The following CA13 variants were observed in gnomAD, a reference collection of about 807,000 sequenced individuals.
CA13 encodes the protein CA-XIII.
In CA13, 21 loss-of-function variants were observed where a neutral mutation model predicts 31.5. The ratio of observed to expected loss-of-function variants is 0.67; its 90% CI spans 0.47 to 0.96. CA13 has a LOEUF of 0.96. Ranked by LOEUF, CA13 falls within the 40% of genes least tolerant of loss-of-function variation. CA13 has a pLI of 0.00. For missense variants in CA13, 315 were observed against 318.9 expected, an observed-to-expected ratio of 0.99 and a Z score of 0.09; for synonymous variants, 117 against 111.4, an observed-to-expected ratio of 1.05 and a Z score of -0.32.
chr8:85,263,443 A>C (rs1249337614), intron 3 of CA13, among the ~76,000 whole-genome samples: 1 of 152,202 alleles, frequency 6.6e-6, no homozygotes, highest in South Asian at 2.1e-4. Flanking sequence ...GAGAAAAACT[A>C]GAAGGTTATG....
intron 2 of CA13, among the ~76,000 whole-genome samples, chr8:85,258,937 A>C (rs890062306): frequency 2.0e-5 from 3 of 151,970 alleles, no homozygotes; most frequent in African/African-American, 4.8e-5. Context: ...AAGGAAAAAA[A>C]AAAAAGAAGT....
At chr8:85,274,278 G>T (rs1302284574) in intron 6 of CA13, among the ~76,000 whole-genome samples, 1 of 152,180 alleles carries the variant, frequency 6.6e-6, no homozygotes, top group African/African-American at 2.4e-5. Flanking sequence ...ATTTTTTGGG[G>T]TATTCTTGAG....
At chr8:85,258,168 T>C (rs1179507224) in intron 2 of CA13, among the ~76,000 whole-genome samples, 1 of 151,834 alleles carries the variant, frequency 6.6e-6, no homozygotes, top group Non-Finnish European at 1.5e-5. Flanking sequence ...GCCAGGCCTG[T>C]TCATGGAAAT....
chr8:85,282,777 G>A lies in CA13; in HGVS notation c.*1428G>A, dbSNP rs1288692378. On this transcript the variant is annotated 3_prime_UTR_variant, in exon 7 of 7. Coordinates refer to ENST00000321764, the MANE Select transcript of CA13 (RefSeq NM_198584.3). Reference sequence around the variant, plus strand: ...TCTTTTGCCCTTTCTGGTACAAACAGAGGGACACTAAGCATTAACTTAATA... The same window carrying A: ...TCTTTTGCCCTTTCTGGTACAAACAAAGGGACACTAAGCATTAACTTAATA... 6.6e-6 allele frequency: 1 copy of A among 152,168 alleles called. No individual in the cohort carries two copies. Among genetic ancestry groups the A allele is most frequent in the Admixed American group, 6.5e-5 (1 of 15,270 alleles). 9.4% of individuals were successfully genotyped at this position (152,168 alleles called of 1,614,324 possible).
chr8:85,257,137 C>T lies in CA13; in HGVS notation c.236-2284C>T, dbSNP rs535347747. Among the ~76,000 whole-genome samples, 13 of 152,264 alleles carry T rather than the reference C, an allele frequency of 8.5e-5. No individual in the cohort carries two copies. In the South Asian group the frequency reaches 1.7e-3, roughly 19 times the overall value. On this transcript the variant is annotated intron_variant, in intron 2 of 6. Coordinates refer to ENST00000321764, the MANE Select transcript of CA13 (RefSeq NM_198584.3). ...TAAGAACTTAGTTTTTAGTGATTCC[C>T]GGTAACTTCAGTAGCATCCCTACAA...
chr8:85,260,983 G>A (rs909780320), intron 3 of CA13, among the ~76,000 whole-genome samples: 7 of 152,146 alleles, frequency 4.6e-5, no homozygotes, highest in African/African-American at 1.7e-4. Flanking sequence ...TCTGCCAGCT[G>A]GCAAGTAGTT....
intron 3 of CA13, among the ~76,000 whole-genome samples, chr8:85,262,055 G>A (rs1360185601): frequency 0.011 from 3 of 264 alleles, no homozygotes; most frequent in Admixed American, 0.088. Flanking sequence ...TGCCTAGGCT[G>A]GTCTGAAACT....
At chr8:85,255,523 G>A (rs1807277995) in intron 2 of CA13, among the ~76,000 whole-genome samples, 1 of 151,950 alleles carries the variant, frequency 6.6e-6, no homozygotes, top group Non-Finnish European at 1.5e-5. Context: ...GTTTTGCCAT[G>A]TTGGTCAAGC....
intron 6 of CA13, among the ~76,000 whole-genome samples, chr8:85,272,614 T>A (rs1240503652): frequency 6.6e-6 from 1 of 152,196 alleles, no homozygotes; most frequent in East Asian, 1.9e-4. Context: ...ATTATATTTT[T>A]AAAAAATATA....
chr8:85,273,450 G>A (rs1386226715), intron 6 of CA13, among the ~76,000 whole-genome samples: 1 of 152,076 alleles, frequency 6.6e-6, no homozygotes, highest in African/African-American at 2.4e-5. Flanking sequence ...TGGGCGCAGT[G>A]GCTCACTCCT....
chr8:85,271,666 AAAC>A (rs1209843699), intron 6 of CA13, among the ~76,000 whole-genome samples: 1 of 152,196 alleles, frequency 6.6e-6, no homozygotes, highest in East Asian at 1.9e-4. Flanking sequence ...TTAAAGAAAA[AAAC>A]TCTTTTTTGT....
At chr8:85,276,254 C>G (rs1337086372) in intron 6 of CA13, among the ~76,000 whole-genome samples, 1 of 152,186 alleles carries the variant, frequency 6.6e-6, no homozygotes, top group Non-Finnish European at 1.5e-5. Flanking sequence ...AGCTGCCTTC[C>G]TCCCCCCGGG....
chr8:85,255,346 T>G (rs910250837), intron 2 of CA13, among the ~76,000 whole-genome samples: 5 of 151,688 alleles, frequency 3.3e-5, no homozygotes, highest in African/African-American at 1.2e-4. Flanking sequence ...CACTACAACC[T>G]CTGCCTCCTG....
rs752881532 is a variant in CA13 at position 85,245,865 on chromosome 8, G to A, written c.37G>A (p.Gly13Ser). Reference sequence around the variant, plus strand: ...CAGCTGGGGATACCGCGAGCACAACGGTGAGCGCCTTTTCCTGATCCAAGG... The same window carrying A: ...CAGCTGGGGATACCGCGAGCACAACAGTGAGCGCCTTTTCCTGATCCAAGG... ...RLSWGYREHNGPIHWKEFFPI... is the reference protein window; with the variant it reads ...RLSWGYREHNSPIHWKEFFPI... Residue 13 changes from glycine (G) to serine (S), a missense_variant and splice_region_variant, in exon 1 of 7, where the codon GGT (glycine) becomes AGT (serine). Coordinates refer to ENST00000321764, the MANE Select transcript of CA13 (RefSeq NM_198584.3). 13 of 1,614,052 alleles carry A rather than the reference G, an allele frequency of 8.1e-6. No individual in the cohort carries two copies. The highest frequency in any genetic ancestry group is 1.0e-5 in the Non-Finnish European group (12 of 1,180,032).
chr8:85,271,645 C>A (rs187748573), intron 6 of CA13, among the ~76,000 whole-genome samples: 1 of 152,234 alleles, frequency 6.6e-6, no homozygotes, highest in Admixed American at 6.5e-5. Flanking sequence ...GGCTTTGTTT[C>A]TATTCTCCTT....
At position 85,245,691 on chromosome 8, in the gene CA13, C is replaced by T. The variant is rs545136320; in HGVS notation, c.-138C>T. On this transcript the variant is annotated 5_prime_UTR_variant, in exon 1 of 7. Coordinates refer to ENST00000321764, the MANE Select transcript of CA13 (RefSeq NM_198584.3). ...AGGACGCAGGCGGGAGCGCCCCGGA[C>T]CGGGTTCACGGTCTCGCACTCCTGC... The T allele has an allele frequency of 2.1e-6, 2 of 963,972 alleles. No homozygotes were observed. Among genetic ancestry groups the T allele is most frequent in the South Asian group, 1.4e-5 (1 of 69,324 alleles). 59.7% of individuals were successfully genotyped at this position (963,972 alleles called of 1,614,324 possible). A position where few individuals can be genotyped will look rare whatever the true frequency, so the allele number is the denominator to read the frequency against.
At chr8:85,247,868 G>A (rs941834425) in intron 1 of CA13, among the ~76,000 whole-genome samples, 3 of 151,350 alleles carry the variant, frequency 2.0e-5, no homozygotes, top group East Asian at 1.9e-4. Flanking sequence ...ACAGCTCTGG[G>A]CCTAACTAGG....
Position 85,250,895 on chromosome 8 carries a change from C to T in CA13, c.193C>T (p.His65Tyr). 6.2e-7 allele frequency: 1 copy of T among 1,614,054 alleles called. No individual in the cohort carries two copies. Among genetic ancestry groups the T allele is most frequent in the African/African-American group, 1.3e-5 (1 of 75,006 alleles). ...AGCTAAAATCATCAGCAACAGCGGC[C>T]ATTCCTTCAATGTTGACTTTGATGA... is the stretch of plus-strand genomic sequence containing the variant. The part of the protein sequence containing the change: ...SSAKIISNSG[H>Y]SFNVDFDDTE... The change falls in exon 2 of 7, where the codon CAT (histidine) becomes TAT (tyrosine). Residue 65 changes from histidine (H) to tyrosine (Y), a missense_variant. His to Tyr is a moderately conservative substitution (Grantham distance 83). Transcript: ENST00000321764.
At chr8:85,258,642 G>A (rs1807333863) in intron 2 of CA13, among the ~76,000 whole-genome samples, 1 of 151,410 alleles carries the variant, frequency 6.6e-6, no homozygotes, top group Non-Finnish European at 1.5e-5. Context: ...AAGCTTAGAA[G>A]TTAGGGTTTG....
Sources: gnomAD v4.1 joint callset for allele counts (sites outside exome capture counted in the v4.1 genomes callset) on GRCh38, gnomAD v4.1.1 for gene constraint, MANE v1.5 for transcripts, NCBI Gene and HGNC (gene_info 2026-07-23, HGNC 2026-07-21) for gene names.